Variants in SPATA21 observed in about 807,000 individuals in gnomAD.
The protein encoded by SPATA21 is spermatogenesis-associated protein 21.
Under a neutral mutation model 54.8 loss-of-function variants are expected in SPATA21, and 47 were observed. The ratio of observed to expected loss-of-function variants is 0.86; its 90% confidence interval spans 0.68 to 1.09. SPATA21 has a LOEUF of 1.09. Among genes scored for constraint, SPATA21 ranks in the 50% least tolerant of loss-of-function variants. SPATA21 has a pLI of 0.00. For missense variants in SPATA21, 599 were observed against 596.4 expected, an observed-to-expected ratio of 1.00 and a Z score of -0.05; for synonymous variants, 245 against 235.3, an observed-to-expected ratio of 1.04 and a Z score of -0.38.
At chr1:16,424,226 T>TCACGAGGTCA (rs1248760351) in intron 3 of SPATA21, among the ~76,000 whole-genome samples, 1 of 97,246 alleles carries the variant, frequency 1.0e-5, no homozygotes, top group African/African-American at 4.1e-5. Context: ...GGCAGGAGAA[T>TCACGAGGTCA]GGCATGAACC....
intron 7 of SPATA21, among the ~76,000 whole-genome samples, chr1:16,406,435 G>C (rs2085643213): frequency 6.6e-6 from 1 of 152,134 alleles, no homozygotes; most frequent in African/African-American, 2.4e-5. Flanking sequence ...AATCCAACTG[G>C]AGTCCTCATA....
rs372661903 is a variant in SPATA21 at position 16,408,914 on chromosome 1, C to G, written c.673+204G>C. ...AGACCCAGCATGAGTTCTGGCCCCC[C>G]CAACCCAGCAGCTTTGTGAGCTGGA... On this transcript the variant is annotated intron_variant, in intron 7 of 12. Transcript: ENST00000335496. Among the ~76,000 whole-genome samples, 516 of 151,212 alleles carry G rather than the reference C, an allele frequency of 3.4e-3. 3 individuals are homozygous for G. The highest frequency in any genetic ancestry group is 0.01 in the African/African-American group (418 of 41,108).
Position 16,421,765 on chromosome 1 carries a change from T to C in SPATA21, c.95+146A>G, listed in dbSNP as rs1258045553. 2.3e-6 allele frequency: 3 copies of C among 1,301,174 alleles called. No individual in the cohort carries two copies. Among genetic ancestry groups the C allele is most frequent in the Non-Finnish European group, 3.3e-6 (3 of 914,610 alleles). The allele number at this position is 1,301,174 out of a possible 1,614,324, so 80.6% of individuals were successfully genotyped here. A position where few individuals can be genotyped will look rare whatever the true frequency, so the allele number is the denominator to read the frequency against. ...TCTGGTATTCCAGCCATTACACAGA[T>C]GGGGAAATTGAGACCCAGCGGAGCA... On this transcript the variant is annotated intron_variant, in intron 4 of 12. Coordinates refer to ENST00000335496, the MANE Select transcript of SPATA21 (RefSeq NM_198546.1). The surrounding 1 kb of genome is among the most constrained non-coding windows in gnomAD (Gnocchi z 5.2).
intron 7 of SPATA21, 81 bp from the exon 8 acceptor site, chr1:16,405,185 C>G: frequency 6.6e-7 from 1 of 1,524,418 alleles, no homozygotes. Context: ...CACCCTCCTG[C>G]CAGCCTCCTC....
At chr1:16,399,305 G>A in intron 12 of SPATA21, 39 bp downstream of exon 12, 1 of 1,554,728 alleles carries the variant, frequency 6.4e-7, no homozygotes, top group Non-Finnish European at 8.7e-7. Flanking sequence ...GGAAGAATCT[G>A]GAAGGGCCTG....
chr1:16,404,848 G>T, intron 8 of SPATA21, 119 bp downstream of exon 8: 1 of 1,143,270 alleles, frequency 8.7e-7, no homozygotes, highest in Non-Finnish European at 1.2e-6. Flanking sequence ...GACTGTGACA[G>T]TAGAGCATTA....
chr1:16,411,797 A>G (rs555250754), intron 5 of SPATA21, among the ~76,000 whole-genome samples: 1 of 127,412 alleles, frequency 7.8e-6, no homozygotes, highest in African/African-American at 2.9e-5. Context: ...CTCAAAAAAA[A>G]AAAAAAAAAA....
intron 2 of SPATA21, among the ~76,000 whole-genome samples, chr1:16,432,114 CTTTTT>C (rs35240103): frequency 7.5e-6 from 1 of 133,106 alleles, no homozygotes; most frequent in African/African-American, 2.8e-5. Context: ...TCTTCTTCTT[CTTTTT>C]TTTTTTTTTT....
intron 7 of SPATA21, among the ~76,000 whole-genome samples, chr1:16,407,251 C>T (rs1001294225): frequency 4.6e-5 from 7 of 152,146 alleles, no homozygotes; most frequent in African/African-American, 1.7e-4. Context: ...CTCTCAGAAG[C>T]AGGTGTGATC....
chr1:16,420,093 G>C (rs1270416333), intron 5 of SPATA21, among the ~76,000 whole-genome samples: 1 of 152,006 alleles, frequency 6.6e-6, no homozygotes, highest in African/African-American at 2.4e-5. Context: ...GAGGGAGACT[G>C]GGAAGGAGTT....
In SPATA21 at chr1:16,430,931, C is replaced by G. The variant is rs145886761; in HGVS notation, c.34+407G>C. 1.4e-4 allele frequency among the ~76,000 whole-genome samples: 22 copies of G among 152,292 alleles called. No individual in the cohort carries two copies. The East Asian group carries it at 4.2e-3, about 29-fold the overall frequency. ...GGGTGTAAGATGGGAAGATGTAATC[C>G]TGGAGTGGCCAGGGCAATCCCTGCC... is the stretch of plus-strand genomic sequence containing the variant. On this transcript the variant is annotated intron_variant, in intron 3 of 12. Coordinates refer to ENST00000335496, the MANE Select transcript of SPATA21 (RefSeq NM_198546.1).
In SPATA21 at chr1:16,428,865, G is replaced by C. The variant is rs2086385998; in HGVS notation, c.34+2473C>G. Among the ~76,000 whole-genome samples the C allele has an allele frequency of 6.6e-6, 1 of 152,208 alleles. No individual in the cohort carries two copies. Among genetic ancestry groups the C allele is most frequent in the Non-Finnish European group, 1.5e-5 (1 of 68,046 alleles). ...TAATACTAACAGGCACCTACTATGA[G>C]ACAGGGCCTGTGCTAGGTGCCTTAG... On this transcript the variant is annotated intron_variant, in intron 3 of 12. Coordinates refer to ENST00000335496, the MANE Select transcript of SPATA21 (RefSeq NM_198546.1). This position sits in a 1 kb window ranked among gnomAD's most constrained non-coding sequence, Gnocchi z 4.3.
At chr1:16,430,512 G>A (rs1210249197) in intron 3 of SPATA21, among the ~76,000 whole-genome samples, 1 of 152,166 alleles carries the variant, frequency 6.6e-6, no homozygotes, top group Admixed American at 6.5e-5. Flanking sequence ...TAGGATGCAG[G>A]CTGGGCTCTG....
At chr1:16,431,513 T>G (rs1006606000) in intron 2 of SPATA21, 91 bp from the exon 3 acceptor site, 2 of 1,282,088 alleles carry the variant, frequency 1.6e-6, no homozygotes, top group African/African-American at 3.0e-5. Context: ...GTAGACAGCC[T>G]GGCTCGAGGG....
chr1:16,415,837 C>T (rs1030239653), intron 5 of SPATA21, among the ~76,000 whole-genome samples: 8 of 152,128 alleles, frequency 5.3e-5, no homozygotes, highest in Admixed American at 1.3e-4. Flanking sequence ...GGATTACAGG[C>T]GTGAGCCACC....
chr1:16,405,654 C>G (rs968447787), intron 7 of SPATA21, among the ~76,000 whole-genome samples: 3 of 152,084 alleles, frequency 2.0e-5, no homozygotes, highest in African/African-American at 7.2e-5. Context: ...GAGTAAGACC[C>G]TCTATTGACT....
rs186881678 is a variant in SPATA21, at chr1:16,401,135, A to G, written c.1002-243T>C. ...TCTCTCTACCCTGTCAATGCAAGTG[A>G]CTTGACTTCTCTGAGCTTCAAGTTT... On this transcript the variant is annotated intron_variant, in intron 10 of 12. Coordinates refer to ENST00000335496, the MANE Select transcript of SPATA21 (RefSeq NM_198546.1). 9.8e-5 allele frequency among the ~76,000 whole-genome samples: 15 copies of G among 152,304 alleles called. No individual in the cohort carries two copies. The East Asian group carries it at 2.9e-3, about 29-fold the overall frequency.
Position 16,431,410 on chromosome 1 carries a change from A to G in SPATA21, c.-39T>C. On this transcript the variant is annotated 5_prime_UTR_variant, in exon 3 of 13. Transcript: ENST00000335496. ...ACACGGGTGCCAAGTGAGGGGCATC[A>G]CCTAGTGTGCTCCTACAGGAGAAAT... 6.2e-7 allele frequency: 1 copy of G among 1,612,980 alleles called. No homozygotes were observed. Among genetic ancestry groups the G allele is most frequent in the Non-Finnish European group, 8.5e-7 (1 of 1,179,376 alleles).
chr1:16,421,878 G>T lies in SPATA21; in HGVS notation c.95+33C>A, dbSNP rs1214018210. 5 of 1,614,120 alleles carry T rather than the reference G, an allele frequency of 3.1e-6. No homozygotes were observed. Among genetic ancestry groups the T allele is most frequent in the East Asian group, 2.2e-5 (1 of 44,886 alleles). ...AACTCAGCAGAAGAGCATCCTTGTT[G>T]GGGGCAGGGGATGGCACTGGATGAT... is the stretch of plus-strand genomic sequence containing the variant. On this transcript the variant is annotated intron_variant, in intron 4 of 12. Transcript: ENST00000335496. The surrounding 1 kb of genome is among the most constrained non-coding windows in gnomAD (Gnocchi z 5.2).
Sources: gnomAD v4.1 joint callset for allele counts (sites outside exome capture counted in the v4.1 genomes callset) on GRCh38, gnomAD v4.1.1 for gene constraint, Gnocchi (gnomAD v3.1) non-coding constraint, MANE v1.5 for transcripts, NCBI Gene and HGNC (gene_info 2026-07-23, HGNC 2026-07-21) for gene names.